KIF7: variants seen among roughly 807,000 people sequenced by gnomAD.
The protein encoded by KIF7 is kinesin-like protein KIF7.
KIF7 carries 104 observed loss-of-function variants against 135.7 expected under a neutral mutation model. That is an observed-to-expected ratio of 0.77 (90% CI 0.65 to 0.90). The LOEUF (loss-of-function observed/expected upper bound fraction) is 0.90, where lower values mean the gene tolerates loss of function less well. Among genes scored for constraint, KIF7 ranks in the 40% least tolerant of loss-of-function variants. KIF7 has a pLI of 0.00. For missense variants in KIF7, 2,005 were observed against 1,839.1 expected (o/e 1.09, Z -1.65); for synonymous variants, 883 against 809.4 (o/e 1.09, Z -1.54).
chr15:89,621,258 C>G, intron 1 of KIF7: 1 of 762,584 alleles, frequency 1.3e-6, no homozygotes, highest in East Asian at 2.9e-5. Context: ...TGACCTCAGA[C>G]CATCCACCTG....
chr15:89,649,498 T>C, intron 3 of KIF7, 131 bp from the exon 4 acceptor site: 1 of 1,137,296 alleles, frequency 8.8e-7, no homozygotes, highest in East Asian at 2.6e-5. Flanking sequence ...GCCCACGGGG[T>C]ACTGCCCTTC....
chr15:89,648,811 C>T, intron 4 of KIF7, 37 bp from the exon 5 acceptor site: 1 of 1,511,004 alleles, frequency 6.6e-7, no homozygotes, highest in South Asian at 1.2e-5. Context: ...GGGGCCCCGA[C>T]GCTCCAGGCC....
intron 4 of KIF7, 50 bp from the exon 5 acceptor site, chr15:89,648,824 G>A (rs1269771320): frequency 6.7e-7 from 1 of 1,495,490 alleles, no homozygotes; most frequent in Admixed American, 2.1e-5. Flanking sequence ...TCCAGGCCCA[G>A]GGCCAGCGGG....
upstream of KIF7, among the ~76,000 whole-genome samples, chr15:89,655,735 G>C (rs1235891243): frequency 3.9e-5 from 6 of 152,164 alleles, no homozygotes; most frequent in African/African-American, 9.7e-5. Context: ...CCCGGTCTCT[G>C]TTTTCCACTC....
chr15:89,649,016 C>T lies in KIF7; in HGVS notation c.881G>A (p.Arg294His). ...NVISALGDPQ[R>H]RGSHIPYRDS... is the part of the protein sequence containing the mutation. ...GCGGTAGGGTATGTGGCTGCCCCGGCGCTGAGGGTCCCCCAGGGCGCTGAT... is the reference window on the plus strand; with the variant it reads ...GCGGTAGGGTATGTGGCTGCCCCGGTGCTGAGGGTCCCCCAGGGCGCTGAT... Residue 294 changes from arginine to histidine, a missense_variant, in exon 4 of 19, where the codon CGC (arginine) becomes CAC (histidine). Coordinates refer to ENST00000394412, the MANE Select transcript of KIF7 (RefSeq NM_198525.3). The T allele has an allele frequency of 2.6e-6, 4 of 1,547,624 alleles. No homozygotes were observed. The highest frequency in any genetic ancestry group is 3.5e-6 in the Non-Finnish European group (4 of 1,146,442).
rs1390209660 is a variant in KIF7, at chr15:89,630,821, T to G, written c.3112-328A>C. On this transcript the variant is annotated intron_variant, in intron 15 of 18. Coordinates refer to ENST00000394412, the MANE Select transcript of KIF7 (RefSeq NM_198525.3). ...CACCACGGTGTCTGCTGGGTAAGCT[T>G]CTACAGATGGGGATACGTTCTAAGA... 4 of 449,950 alleles carry G rather than the reference T, an allele frequency of 8.9e-6. No homozygotes were observed. In the East Asian group the frequency reaches 1.8e-4, roughly 20 times the overall value. The allele number at this position is 449,950 out of a possible 1,614,324, so 27.9% of individuals were successfully genotyped here.
the KIF7 span, among the ~76,000 whole-genome samples, chr15:89,662,675 G>A: frequency 6.6e-6 from 1 of 152,158 alleles, no homozygotes. Flanking sequence ...TGAAGTGGAG[G>A]TCTTTGCTAG....
At position 89,646,684 on chromosome 15, in the gene KIF7, G is replaced by A. The variant is rs562402323; in HGVS notation, c.1788+146C>T. 2.2e-4 allele frequency: 170 copies of A among 758,122 alleles called. 1 individual carries two copies. In the African/African-American group the frequency reaches 2.4e-3, roughly 11 times the overall value. The allele number at this position is 758,122 out of a possible 1,614,324, so 47.0% of individuals were successfully genotyped here. Reference sequence around the variant, plus strand: ...ATTCAAATCTTGGCTCTTCCTCTGGGGACAGCTGAAAGCAGCCTCTCGCAT... The same window carrying A: ...ATTCAAATCTTGGCTCTTCCTCTGGAGACAGCTGAAAGCAGCCTCTCGCAT... On this transcript the variant is annotated intron_variant, in intron 7 of 18. Transcript: ENST00000394412.
chr15:89,661,428 T>A, the KIF7 span, among the ~76,000 whole-genome samples: 2 of 152,118 alleles, frequency 1.3e-5, no homozygotes, highest in African/African-American at 4.8e-5. Flanking sequence ...AACAAAAAAA[T>A]TCAGGACTGT....
chr15:89,643,778 G>A lies in KIF7; in HGVS notation c.2191+1235C>T, dbSNP rs150616816. Among the ~76,000 whole-genome samples, 982 of 151,848 alleles carry A rather than the reference G, an allele frequency of 6.5e-3. 3 individuals are homozygous for A. Among genetic ancestry groups the A allele is most frequent in the Non-Finnish European group, 0.012 (817 of 67,976 alleles). On this transcript the variant is annotated intron_variant, in intron 10 of 18. Coordinates refer to ENST00000394412, the MANE Select transcript of KIF7 (RefSeq NM_198525.3). Reference sequence around the variant, plus strand: ...CACACGCCTGTAGTCCCAGCTACTCGAGAGGCTGAAGCAGGAGAATCACTT... The same window carrying A: ...CACACGCCTGTAGTCCCAGCTACTCAAGAGGCTGAAGCAGGAGAATCACTT...
At chr15:89,649,649 T>C (rs976792502) in intron 3 of KIF7, 92 bp downstream of exon 3, 8 of 1,373,342 alleles carry the variant, frequency 5.8e-6, no homozygotes, top group Non-Finnish European at 7.9e-6. Flanking sequence ...CCATGAGGAG[T>C]TGCCATTCCC....
chr15:89,630,473 C>G lies in KIF7; in HGVS notation c.3132G>C (p.Gln1044His). 1 of 1,556,572 alleles carries G rather than the reference C, an allele frequency of 6.4e-7. No individual in the cohort carries two copies. The highest frequency in any genetic ancestry group is 1.2e-5 in the South Asian group (1 of 84,682). Residue 1044 changes from glutamine (Q) to histidine (H), a missense_variant, in exon 16 of 19, where the codon CAG becomes CAC. Coordinates refer to ENST00000394412, the MANE Select transcript of KIF7 (RefSeq NM_198525.3). ...LSPEEERTLFQLDEAIEALDA... is the reference protein window; with the variant it reads ...LSPEEERTLFHLDEAIEALDA... Reference sequence around the variant, plus strand: ...CCAGGGCCTCGATGGCCTCATCCAACTGGAACAGCGTCCGCTCCTCCTGCA... The same window carrying G: ...CCAGGGCCTCGATGGCCTCATCCAAGTGGAACAGCGTCCGCTCCTCCTGCA...
Position 89,645,936 on chromosome 15 carries a change from C to A in KIF7, c.1879G>T (p.Glu627Ter). Reference protein sequence around the residue: ...SGSSAASEEEEEEEEPPRRTL... With the variant: ...SGSSAASEEE ...CGCCTGGGCGGCTCCTCCTCCTCCTCTTCCTCCTCTGAAGCAGCTGAAGAG... is the reference window on the plus strand; with the variant it reads ...CGCCTGGGCGGCTCCTCCTCCTCCTATTCCTCCTCTGAAGCAGCTGAAGAG... The change falls in exon 8 of 19, where the codon GAG becomes TAG. Residue 627 changes from glutamate (E) to a stop codon, truncating the protein, a stop_gained. Transcript: ENST00000394412. LOFTEE classifies it high-confidence loss of function. 4 of 1,613,844 alleles carry A rather than the reference C, an allele frequency of 2.5e-6. No individual in the cohort carries two copies. Among genetic ancestry groups the A allele is most frequent in the Non-Finnish European group, 3.4e-6 (4 of 1,179,978 alleles).
At chr15:89,647,798 TATC>T (rs1964042815) in intron 5 of KIF7, 86 bp from the exon 6 acceptor site, 1 of 1,044,870 alleles carries the variant, frequency 9.6e-7, no homozygotes, top group South Asian at 1.5e-5. Flanking sequence ...CCCTGCTTTC[TATC>T]TACTCTTCCA....
At chr15:89,621,356 G>T in intron 1 of KIF7, 2 of 1,579,512 alleles carry the variant, frequency 1.3e-6, no homozygotes, top group African/African-American at 1.4e-5. Flanking sequence ...CAGGAATTGA[G>T]AAAGAATTAA....
intron 1 of KIF7, among the ~76,000 whole-genome samples, chr15:89,621,943 A>C (rs1268787758): frequency 6.6e-6 from 1 of 150,600 alleles, no homozygotes; most frequent in Admixed American, 6.6e-5. Flanking sequence ...AGGCATAGCC[A>C]ATCAGTCGAG....
chr15:89,623,873 T>C, downstream of KIF7: 1 of 1,613,940 alleles, frequency 6.2e-7, no homozygotes, highest in East Asian at 2.2e-5. Flanking sequence ...GGTACCTCTC[T>C]TGAAACGAAG....
chr15:89,623,671 C>A (rs765872814), downstream of KIF7: 4 of 1,612,408 alleles, frequency 2.5e-6, no homozygotes, highest in Non-Finnish European at 3.4e-6. Context: ...TAAAACTACA[C>A]CAAGAAGGAT....
Position 89,628,672 on chromosome 15 carries a change from C to CG in KIF7, c.3778dup (p.Arg1260ProfsTer26), listed in dbSNP as rs777426943. On this transcript the variant is annotated frameshift_variant, in exon 19 of 19. Coordinates refer to ENST00000394412, the MANE Select transcript of KIF7 (RefSeq NM_198525.3). LOFTEE classifies it low-confidence loss of function (END_TRUNC). Reference sequence around the variant, plus strand: ...CAAGTCCCGCGTCTCCTCCCGGGTGCGGGGGGCCCCCTCAGTGAGGGGGGA... The same window carrying CG: ...CAAGTCCCGCGTCTCCTCCCGGGTGCGGGGGGGCCCCCTCAGTGAGGGGGGA... The CG allele has an allele frequency of 4.3e-5, 69 of 1,612,844 alleles. No individual in the cohort carries two copies. Among genetic ancestry groups the CG allele is most frequent in the South Asian group, 1.5e-4 (14 of 91,096 alleles).
Sources: gnomAD v4.1 joint callset for allele counts (sites outside exome capture counted in the v4.1 genomes callset) on GRCh38, gnomAD v4.1.1 for gene constraint, MANE v1.5 for transcripts, NCBI Gene and HGNC (gene_info 2026-07-23, HGNC 2026-07-21) for gene names.